The following CBLB variants were observed in gnomAD, a reference collection of about 807,000 sequenced individuals.
The protein encoded by CBLB is Cbl proto-oncogene B.
CBLB carries 31 observed loss-of-function variants against 104.9 expected under a neutral mutation model. That is an observed-to-expected ratio of 0.30 (90% CI 0.22 to 0.40). The LOEUF is 0.40. Among genes scored for constraint, CBLB ranks in the 10% least tolerant of loss-of-function variants. CBLB has a pLI of 1.00. For synonymous variants in CBLB, 440 were observed against 422.6 expected, an observed-to-expected ratio of 1.04 and a Z score of -0.51; for missense variants, 1,062 against 1,214.6, an observed-to-expected ratio of 0.87 and a Z score of 1.87.
chr3:105,702,737 TAGA>T (rs1343671879), intron 11 of CBLB, among the ~76,000 whole-genome samples: 15 of 152,176 alleles, frequency 9.9e-5, no homozygotes, highest in Non-Finnish European at 1.5e-5. Context: ...CAGAAACAAG[TAGA>T]AGATCAAAAT....
At chr3:105,722,626 G>C (rs1029202070) in intron 9 of CBLB, among the ~76,000 whole-genome samples, 4 of 151,954 alleles carry the variant, frequency 2.6e-5, no homozygotes, top group African/African-American at 4.8e-5. Flanking sequence ...TTATTTTTTA[G>C]TACAGTGCAT....
intron 4 of CBLB, among the ~76,000 whole-genome samples, chr3:105,760,916 C>T (rs1288313692): frequency 6.6e-6 from 1 of 152,198 alleles, no homozygotes; most frequent in Admixed American, 6.5e-5. Flanking sequence ...ACAACTACTG[C>T]ATTTCCTATT....
rs2063463399 is a variant in CBLB, at chr3:105,658,086, G to A, written c.*884C>T. ...AAGTAATGCAGGCATAAGTATCAGG[G>A]GACCTTGTTATATAACTTCAGTACA... On this transcript the variant is annotated 3_prime_UTR_variant, in exon 19 of 19. Transcript: ENST00000394030. The A allele has an allele frequency of 4.6e-6, 1 of 217,342 alleles. No homozygotes were observed. The highest frequency in any genetic ancestry group is 9.2e-6 in the Non-Finnish European group (1 of 108,112). The allele number at this position is 217,342 out of a possible 1,614,324, so 13.5% of individuals were successfully genotyped here.
At chr3:105,714,765 G>A (rs1019650103) in intron 10 of CBLB, among the ~76,000 whole-genome samples, 2 of 152,100 alleles carry the variant, frequency 1.3e-5, no homozygotes, top group Non-Finnish European at 2.9e-5. Context: ...CTATAGAGAC[G>A]TTCTTCACAC....
chr3:105,794,495 T>A (rs1301907429), intron 3 of CBLB, among the ~76,000 whole-genome samples: 1 of 152,240 alleles, frequency 6.6e-6, no homozygotes, highest in Non-Finnish European at 1.5e-5. Context: ...ATTGTACAGA[T>A]GGAAGTCACC....
At chr3:105,828,531 A>G (rs1394173881) in intron 3 of CBLB, among the ~76,000 whole-genome samples, 5 of 152,228 alleles carry the variant, frequency 3.3e-5, no homozygotes, top group African/African-American at 7.2e-5. Context: ...AAAATACTTG[A>G]AAGTTAAGAT....
chr3:105,766,426 T>C (rs2078233517), intron 4 of CBLB, among the ~76,000 whole-genome samples: 1 of 152,180 alleles, frequency 6.6e-6, no homozygotes, highest in African/African-American at 2.4e-5. Flanking sequence ...CAAACAGCAT[T>C]GCATGTTATA....
At position 105,783,713 on chromosome 3, in the gene CBLB, A is replaced by AAG. The variant is rs151229857; in HGVS notation, c.420-7173_420-7172dup. On this transcript the variant is annotated intron_variant, in intron 3 of 18. Coordinates refer to ENST00000394030, the MANE Select transcript of CBLB (RefSeq NM_170662.5). ...GGAACCAGAAAAAGAGGGCAATCAG[A>AAG]AGAGAGAGAGTGTGTTTAAAATTTC... Among the ~76,000 whole-genome samples, 594 of 152,264 alleles carry AAG rather than the reference A, an allele frequency of 3.9e-3. 2 individuals carry two copies. The highest frequency in any genetic ancestry group is 0.014 in the African/African-American group (567 of 41,546).
chr3:105,672,119 CT>C, intron 17 of CBLB: 1 of 193,446 alleles, frequency 5.2e-6, no homozygotes, highest in Non-Finnish European at 1.1e-5. Context: ...AATACATACA[CT>C]TGCTTATTTC....
chr3:105,771,668 T>C (rs1462681452), intron 4 of CBLB, among the ~76,000 whole-genome samples: 1 of 152,148 alleles, frequency 6.6e-6, no homozygotes, highest in Admixed American at 6.5e-5. Flanking sequence ...CCAGATCTTA[T>C]AAATGAATTC....
intron 3 of CBLB, among the ~76,000 whole-genome samples, chr3:105,794,345 T>G (rs888185039): frequency 1.3e-5 from 2 of 152,210 alleles, no homozygotes; most frequent in Non-Finnish European, 2.9e-5. Flanking sequence ...CTGCCTAACC[T>G]AATACTACTT....
chr3:105,668,047 CA>C (rs1272515792), intron 18 of CBLB, among the ~76,000 whole-genome samples: 1 of 152,120 alleles, frequency 6.6e-6, no homozygotes, highest in Non-Finnish European at 1.5e-5. Flanking sequence ...TTCATGTGAA[CA>C]AACATATGTT....
rs542890885 is a variant in CBLB at position 105,811,905 on chromosome 3, T to C, written c.420-35363A>G. 3.9e-5 allele frequency among the ~76,000 whole-genome samples: 6 copies of C among 152,296 alleles called. No individual in the cohort carries two copies. The East Asian group carries it at 9.7e-4, about 25-fold the overall frequency. Reference sequence around the variant, plus strand: ...TTTTAGTAGAGACGAGGTTTCACCATGTTGACCAGGCTGGTCTTGAACTCC... The same window carrying C: ...TTTTAGTAGAGACGAGGTTTCACCACGTTGACCAGGCTGGTCTTGAACTCC... On this transcript the variant is annotated intron_variant, in intron 3 of 18. Coordinates refer to ENST00000394030, the MANE Select transcript of CBLB (RefSeq NM_170662.5).
At chr3:105,718,296 C>A (rs910113271) in intron 10 of CBLB, among the ~76,000 whole-genome samples, 2 of 151,976 alleles carry the variant, frequency 1.3e-5, no homozygotes, top group African/African-American at 2.4e-5. Context: ...TTATGAAAAA[C>A]CAATAAGATA....
chr3:105,759,151 G>T (rs2077363276), intron 4 of CBLB, among the ~76,000 whole-genome samples: 2 of 152,194 alleles, frequency 1.3e-5, no homozygotes, highest in Admixed American at 1.3e-4. Context: ...GCTCCTTTCT[G>T]CAGGCAGATC....
At chr3:105,687,120 A>G (rs1437738426) in intron 13 of CBLB, among the ~76,000 whole-genome samples, 4 of 152,148 alleles carry the variant, frequency 2.6e-5, no homozygotes, top group African/African-American at 9.6e-5. Context: ...TGAGAAATAT[A>G]TACTGTACAT....
intron 8 of CBLB, among the ~76,000 whole-genome samples, chr3:105,735,384 A>T (rs4476538): frequency 6.6e-6 from 1 of 151,982 alleles, no homozygotes; most frequent in Non-Finnish European, 1.5e-5. Context: ...GAAATAATAG[A>T]TAAGTATTGA....
In CBLB at chr3:105,710,301, T is replaced by C. The variant is rs143434440; in HGVS notation, c.1408-6128A>G. ...TTCCTTTCTTTGTCACTCCTTCATG[T>C]TCATCTCTCTAATCTTAAGACAAAC... On this transcript the variant is annotated intron_variant, in intron 10 of 18. Coordinates refer to ENST00000394030, the MANE Select transcript of CBLB (RefSeq NM_170662.5). 2.0e-3 allele frequency among the ~76,000 whole-genome samples: 298 copies of C among 152,042 alleles called. 1 individual carries two copies. Among genetic ancestry groups the C allele is most frequent in the African/African-American group, 6.6e-3 (274 of 41,540 alleles).
At chr3:105,805,037 A>G (rs1490639253) in intron 3 of CBLB, among the ~76,000 whole-genome samples, 1 of 152,216 alleles carries the variant, frequency 6.6e-6, no homozygotes, top group East Asian at 1.9e-4. Context: ...CCTTACCATC[A>G]CTTATCCAAA....
Sources: allele counts gnomAD v4.1 joint callset (sites outside exome capture counted in the v4.1 genomes callset), GRCh38; gene constraint gnomAD v4.1.1; transcripts MANE v1.5; gene names NCBI Gene and HGNC (gene_info 2026-07-23, HGNC 2026-07-21).